BRINP2: variants seen among roughly 807,000 people sequenced by gnomAD.
BRINP2 encodes the protein BMP/retinoic acid-inducible neural-specific protein 2.
In BRINP2, 21 loss-of-function variants were observed where a neutral mutation model predicts 69.2. The ratio of observed to expected loss-of-function variants is 0.30; its 90% confidence interval spans 0.22 to 0.44. The LOEUF (loss-of-function observed/expected upper bound fraction) is 0.44. Ranked by LOEUF, BRINP2 falls within the 20% of genes least tolerant of loss-of-function variation. The pLI, the probability that BRINP2 is intolerant of heterozygous loss-of-function variation, is 1.00. For synonymous variants in BRINP2, 380 were observed against 394.1 expected (o/e 0.96, Z 0.42); for missense variants, 877 against 986.0 (o/e 0.89, Z 1.48).
At chr1:177,227,977 G>A (rs1042226594) in intron 1 of BRINP2, among the ~76,000 whole-genome samples, 1 of 152,086 alleles carries the variant, frequency 6.6e-6, no homozygotes, top group Non-Finnish European at 1.5e-5. Context: ...CATTAAGCGA[G>A]GTTCTGTCTT....
At chr1:177,173,290 G>A (rs1647993768) in intron 1 of BRINP2, among the ~76,000 whole-genome samples, 2 of 152,220 alleles carry the variant, frequency 1.3e-5, no homozygotes, top group Admixed American at 1.3e-4. Context: ...GCTTCTTTGA[G>A]GAGGATATAA....
chr1:177,196,553 G>A (rs2102300268), intron 1 of BRINP2, among the ~76,000 whole-genome samples: 1 of 152,154 alleles, frequency 6.6e-6, no homozygotes, highest in Non-Finnish European at 1.5e-5. Flanking sequence ...GGGAGTCAGA[G>A]GTTGCAGTGA....
At position 177,281,548 on chromosome 1, in the gene BRINP2, C is replaced by T. The variant is rs761454693; in HGVS notation, c.*20C>T. 6.4e-7 allele frequency: 1 copy of T among 1,573,210 alleles called. No homozygotes were observed. The highest frequency in any genetic ancestry group is 8.6e-7 in the Non-Finnish European group (1 of 1,165,908). On this transcript the variant is annotated 3_prime_UTR_variant, in exon 8 of 8. Transcript: ENST00000361539. The stretch of plus-strand genomic sequence containing the variant: ...AGCTAATGGGCGGCCCACTTCAGCA[C>T]TGGGCAAGGAGGGGATCCATGAATC...
chr1:177,235,943 G>T (rs969157207), intron 2 of BRINP2, among the ~76,000 whole-genome samples: 1 of 152,190 alleles, frequency 6.6e-6, no homozygotes, highest in South Asian at 2.1e-4. Flanking sequence ...CACTGGGTTT[G>T]CGTTTTGACC....
chr1:177,258,463 A>G (rs1650840759), intron 4 of BRINP2, among the ~76,000 whole-genome samples: 2 of 152,258 alleles, frequency 1.3e-5, no homozygotes, highest in Admixed American at 1.3e-4. Flanking sequence ...GCCCTGATAA[A>G]GCTTGAATTC....
At chr1:177,190,461 GTTCT>G (rs1648554594) in intron 1 of BRINP2, among the ~76,000 whole-genome samples, 1 of 152,092 alleles carries the variant, frequency 6.6e-6, no homozygotes, top group African/African-American at 2.4e-5. Flanking sequence ...TCTTTCTCTT[GTTCT>G]TTGTCAGCCA....
At chr1:177,178,532 T>C (rs12058777) in intron 1 of BRINP2, among the ~76,000 whole-genome samples, 23,781 of 152,018 alleles carry the variant, frequency 0.16, 3,790 homozygotes, top group African/African-American at 0.41. Flanking sequence ...TACTGAGCTT[T>C]AAGACTCTGT....
chr1:177,232,844 C>T (rs534112929), intron 2 of BRINP2, among the ~76,000 whole-genome samples: 1 of 151,794 alleles, frequency 6.6e-6, no homozygotes, highest in East Asian at 1.9e-4. Context: ...GGGTCTCAAA[C>T]AGAATTAAGG....
In BRINP2 at chr1:177,276,297, A is replaced by G; in HGVS notation, c.875A>G (p.Glu292Gly). The change falls in exon 6 of 8, where the codon GAG (glutamate) becomes GGG (glycine). Residue 292 changes from glutamate to glycine, a missense_variant. Glu to Gly is a moderately conservative substitution (Grantham distance 98). Coordinates refer to ENST00000361539, the MANE Select transcript of BRINP2 (RefSeq NM_021165.4). ...TCTGAGGGTGAGCTCGTCTGCAAGG[A>G]GAATGACTGCTGGTGCAAGTGCAGC... ...CSSEGELVCK[E>G]NDCWCKCSPT... 6.2e-7 allele frequency: 1 copy of G among 1,614,222 alleles called. No homozygotes were observed. Among genetic ancestry groups the G allele is most frequent in the Admixed American group, 1.7e-5 (1 of 60,026 alleles).
chr1:177,200,140 A>G (rs1455521341), intron 1 of BRINP2, among the ~76,000 whole-genome samples: 2 of 151,718 alleles, frequency 1.3e-5, no homozygotes, highest in Non-Finnish European at 2.9e-5. Context: ...AAAAAATACA[A>G]AATGAGCCAC....
At chr1:177,190,543 G>A (rs927543130) in intron 1 of BRINP2, among the ~76,000 whole-genome samples, 4 of 152,230 alleles carry the variant, frequency 2.6e-5, no homozygotes, top group Admixed American at 6.5e-5. Flanking sequence ...GCAGTCTCCC[G>A]TTCTCTCCTC....
At chr1:177,234,235 A>C (rs1383566448) in intron 2 of BRINP2, among the ~76,000 whole-genome samples, 1 of 152,186 alleles carries the variant, frequency 6.6e-6, no homozygotes, top group Non-Finnish European at 1.5e-5. Context: ...ACTAGGGTCT[A>C]AGGCATGTGA....
chr1:177,197,261 G>T (rs952971955), intron 1 of BRINP2, among the ~76,000 whole-genome samples: 1 of 152,136 alleles, frequency 6.6e-6, no homozygotes, highest in Non-Finnish European at 1.5e-5. Flanking sequence ...GAGCCAGAGA[G>T]AGCAAAGTAG....
intron 4 of BRINP2, among the ~76,000 whole-genome samples, chr1:177,271,422 A>C (rs1373655257): frequency 6.6e-6 from 1 of 152,028 alleles, no homozygotes; most frequent in East Asian, 1.9e-4. Context: ...AAGGGTTTAG[A>C]CTCTATTTTC....
At chr1:177,266,439 T>TC (rs1651123702) in intron 4 of BRINP2, among the ~76,000 whole-genome samples, 1 of 151,904 alleles carries the variant, frequency 6.6e-6, no homozygotes, top group Non-Finnish European at 1.5e-5. Flanking sequence ...CCTGAATGGC[T>TC]CCCCCTCACC....
At chr1:177,189,662 T>C (rs1460452716) in intron 1 of BRINP2, among the ~76,000 whole-genome samples, 3 of 152,142 alleles carry the variant, frequency 2.0e-5, no homozygotes, top group Non-Finnish European at 4.4e-5. Context: ...ACTTCTCAAC[T>C]TAGAAACTAG....
intron 2 of BRINP2, 56 bp from the exon 3 acceptor site, chr1:177,255,863 T>C: frequency 1.3e-6 from 2 of 1,539,912 alleles, no homozygotes; most frequent in Non-Finnish European, 1.8e-6. Context: ...TCAGATTTTA[T>C]GCCTCTTGCT....
intron 2 of BRINP2, among the ~76,000 whole-genome samples, chr1:177,237,273 C>T (rs546278000): frequency 2.6e-4 from 40 of 152,288 alleles, no homozygotes; most frequent in African/African-American, 8.9e-4. Context: ...TAGCAGAATA[C>T]GAAAGACAGA....
chr1:177,195,649 C>T (rs1648724284), intron 1 of BRINP2, among the ~76,000 whole-genome samples: 2 of 151,694 alleles, frequency 1.3e-5, no homozygotes, highest in Admixed American at 6.6e-5. Flanking sequence ...CCAACACCAA[C>T]GCTGGCAAGT....
Sources: gnomAD v4.1 joint callset for allele counts (sites outside exome capture counted in the v4.1 genomes callset) on GRCh38, gnomAD v4.1.1 for gene constraint, MANE v1.5 for transcripts, NCBI Gene and HGNC (gene_info 2026-07-23, HGNC 2026-07-21) for gene names.